HECTD2: variants seen among roughly 807,000 people sequenced by gnomAD.
HECTD2 encodes the protein probable E3 ubiquitin-protein ligase HECTD2.
Under a neutral mutation model 103.2 loss-of-function variants are expected in HECTD2, and 35 were observed. The observed-to-expected ratio is 0.34, with a 90% CI of 0.26 to 0.45. The LOEUF (loss-of-function observed/expected upper bound fraction) is 0.45, where lower values mean the gene tolerates loss of function less well. HECTD2 is among the 20% of genes least tolerant of loss of function. The pLI is 1.00. For missense variants in HECTD2, 596 were observed against 937.4 expected (o/e 0.64, Z 4.76); for synonymous variants, 281 against 329.9 (o/e 0.85, Z 1.61).
At chr10:91,413,908 CAG>C (rs1843018790) in intron 1 of HECTD2, among the ~76,000 whole-genome samples, 1 of 151,940 alleles carries the variant, frequency 6.6e-6, no homozygotes, top group African/African-American at 2.4e-5. Flanking sequence ...TGGAGTCAAA[CAG>C]AATAAAGAAT....
intron 2 of HECTD2, among the ~76,000 whole-genome samples, chr10:91,444,927 C>T (rs1446084685): frequency 4.6e-5 from 7 of 152,132 alleles, no homozygotes. Context: ...ATCGTTTTCC[C>T]TTTCTTTTAA....
At chr10:91,444,315 A>G (rs1487178057) in intron 2 of HECTD2, among the ~76,000 whole-genome samples, 3 of 152,208 alleles carry the variant, frequency 2.0e-5, no homozygotes, top group African/African-American at 7.2e-5. Context: ...TTGAATTAGT[A>G]AAAGAACTGG....
rs550445170 is a variant in HECTD2 at position 91,476,067 on chromosome 10, A to T, written c.601-2134A>T. 5.1e-4 allele frequency among the ~76,000 whole-genome samples: 77 copies of T among 152,326 alleles called. 1 individual carries two copies. The South Asian group carries it at 0.015, about 30-fold the overall frequency. The stretch of plus-strand genomic sequence containing the variant: ...CCTCTGAGGGCATAGAGCAAAGTGG[A>T]GAAGAACAGCAAATCAGTGCCAGTG... On this transcript the variant is annotated intron_variant, in intron 5 of 20. Coordinates refer to ENST00000298068, the MANE Select transcript of HECTD2 (RefSeq NM_182765.6).
chr10:91,496,861 C>T (rs1196992735), intron 15 of HECTD2, among the ~76,000 whole-genome samples: 1 of 151,232 alleles, frequency 6.6e-6, no homozygotes, highest in African/African-American at 2.4e-5. Context: ...TTAATTTTTT[C>T]ATAAAAATTA....
chr10:91,426,892 C>T (rs1843583656), intron 2 of HECTD2, among the ~76,000 whole-genome samples: 1 of 151,352 alleles, frequency 6.6e-6, no homozygotes, highest in Non-Finnish European at 1.5e-5. Flanking sequence ...GGTACATGTG[C>T]ACAATGTGCA....
chr10:91,445,602 C>T (rs1007772307), intron 2 of HECTD2, among the ~76,000 whole-genome samples: 6 of 151,932 alleles, frequency 3.9e-5, no homozygotes, highest in African/African-American at 7.3e-5. Flanking sequence ...GCAAGTCAGC[C>T]GAATAGGAAC....
intron 2 of HECTD2, among the ~76,000 whole-genome samples, chr10:91,430,894 C>T (rs969613998): frequency 4.4e-4 from 66 of 150,326 alleles, no homozygotes; most frequent in South Asian, 2.1e-4. Flanking sequence ...AAGTTAATAT[C>T]ATTATGTGTG....
Position 91,490,763 on chromosome 10 carries a change from C to T in HECTD2, c.1192-437C>T, listed in dbSNP as rs534254078. 2.2e-4 allele frequency among the ~76,000 whole-genome samples: 33 copies of T among 150,592 alleles called. 1 individual carries two copies. Among genetic ancestry groups the T allele is most frequent in the South Asian group, 6.4e-4 (3 of 4,722 alleles). On this transcript the variant is annotated intron_variant, in intron 11 of 20. Coordinates refer to ENST00000298068, the MANE Select transcript of HECTD2 (RefSeq NM_182765.6). ...AAAATTAGCCGGGCGTGGTGGTGGG[C>T]GCCTGTAGTCCCAGCTACTCGGGAG... is the stretch of plus-strand genomic sequence containing the variant.
intron 1 of HECTD2, among the ~76,000 whole-genome samples, chr10:91,417,603 A>C (rs1843181707): frequency 6.6e-6 from 1 of 151,326 alleles, no homozygotes. Context: ...CCTACGAGTG[A>C]GAACATGCGG....
intron 4 of HECTD2, 116 bp from the exon 5 acceptor site, chr10:91,461,979 T>G: frequency 1.3e-6 from 1 of 774,352 alleles, no homozygotes; most frequent in African/African-American, 1.9e-5. Flanking sequence ...TAACAGTTCT[T>G]TTTTATTATC....
chr10:91,476,150 T>G (rs999039552), intron 5 of HECTD2, among the ~76,000 whole-genome samples: 3 of 152,182 alleles, frequency 2.0e-5, no homozygotes, highest in Non-Finnish European at 4.4e-5. Context: ...GAGAAACGGA[T>G]GATACAGGAG....
At chr10:91,475,518 T>C (rs1845869792) in intron 5 of HECTD2, among the ~76,000 whole-genome samples, 1 of 152,120 alleles carries the variant, frequency 6.6e-6, no homozygotes, top group Admixed American at 6.5e-5. Context: ...TCATAAGCTA[T>C]AGATAATTGA....
chr10:91,470,352 A>G (rs1189334452), intron 5 of HECTD2, among the ~76,000 whole-genome samples: 4 of 152,176 alleles, frequency 2.6e-5, no homozygotes, highest in Admixed American at 6.5e-5. Flanking sequence ...ATGAATTCAT[A>G]TCAACCACCA....
chr10:91,501,601 T>A (rs1346713917), intron 20 of HECTD2, among the ~76,000 whole-genome samples: 1 of 152,152 alleles, frequency 6.6e-6, no homozygotes, highest in Non-Finnish European at 1.5e-5. Context: ...TAGAACCTAG[T>A]TACTTTGTAG....
At chr10:91,413,808 G>A (rs1477422583) in intron 1 of HECTD2, among the ~76,000 whole-genome samples, 2 of 152,196 alleles carry the variant, frequency 1.3e-5, no homozygotes, top group Non-Finnish European at 2.9e-5. Flanking sequence ...GTTCCAGTTA[G>A]AGATTCTCAA....
chr10:91,488,623 A>G (rs2133305168), intron 11 of HECTD2: 2 of 152,292 alleles, frequency 1.3e-5, no homozygotes, highest in South Asian at 4.1e-4. Context: ...GTTCAAGAGT[A>G]TAAAAAGAAT....
chr10:91,501,296 G>A lies in HECTD2; in HGVS notation c.2172G>A (p.Leu724=). 1.2e-6 allele frequency: 2 copies of A among 1,600,294 alleles called. No homozygotes were observed. Among genetic ancestry groups the A allele is most frequent in the Non-Finnish European group, 8.5e-7 (1 of 1,174,108 alleles). ...TACCTGTAGGAGGGATGGCTGATTT[G>A]AACTTTAAAATCTCAAAGAATGAAA... is the stretch of plus-strand genomic sequence containing the variant. The part of the protein sequence containing the change: ...DRVPVGGMAD[L]NFKISKNETS... The change falls in exon 20 of 21, where the codon TTG becomes TTA. Residue 724 remains leucine, a synonymous_variant. Transcript: ENST00000298068.
chr10:91,417,051 G>C (rs1396504450), intron 1 of HECTD2, among the ~76,000 whole-genome samples: 1 of 152,188 alleles, frequency 6.6e-6, no homozygotes, highest in Non-Finnish European at 1.5e-5. Flanking sequence ...AGTTAAAGTT[G>C]AAGAAGAGTA....
intron 1 of HECTD2, among the ~76,000 whole-genome samples, chr10:91,418,397 G>A (rs1843217196): frequency 6.6e-6 from 1 of 152,094 alleles, no homozygotes; most frequent in African/African-American, 2.4e-5. Flanking sequence ...ACTAATGTTT[G>A]TAGGGCTAAT....
Sources: gnomAD v4.1 joint callset for allele counts (sites outside exome capture counted in the v4.1 genomes callset) on GRCh38, gnomAD v4.1.1 for gene constraint, MANE v1.5 for transcripts, NCBI Gene and HGNC (gene_info 2026-07-23, HGNC 2026-07-21) for gene names.